Variants in USP39 observed in about 807,000 individuals in gnomAD.
USP39 encodes ubiquitin carboxyl-terminal hydrolase 39.
In USP39, 38 loss-of-function variants were observed where a neutral mutation model predicts 66.4. The ratio of observed to expected loss-of-function variants is 0.57; its 90% confidence interval spans 0.44 to 0.75. The LOEUF is 0.75. Among genes scored for constraint, USP39 ranks in the 30% least tolerant of loss-of-function variants. The pLI, the probability that USP39 is intolerant of heterozygous loss-of-function variation, is 0.00. For missense variants in USP39, 608 were observed against 714.4 expected, an observed-to-expected ratio of 0.85 and a Z score of 1.70; for synonymous variants, 303 against 274.6, an observed-to-expected ratio of 1.10 and a Z score of -1.02.
intron 12 of USP39, among the ~76,000 whole-genome samples, chr2:85,648,284 T>G (rs1047314169): frequency 2.6e-5 from 4 of 152,148 alleles, no homozygotes; most frequent in Non-Finnish European, 4.4e-5. Context: ...TTTGCAGAAG[T>G]GTGCGGTCTG....
At chr2:85,635,819 A>G (rs1031329036) in intron 6 of USP39, among the ~76,000 whole-genome samples, 2 of 152,164 alleles carry the variant, frequency 1.3e-5, no homozygotes, top group African/African-American at 4.8e-5. Context: ...GATGCGATAC[A>G]GTCCTGGTAT....
chr2:85,632,362 A>C (rs112160405), intron 6 of USP39, among the ~76,000 whole-genome samples: 1 of 152,022 alleles, frequency 6.6e-6, no homozygotes, highest in South Asian at 2.1e-4. Flanking sequence ...TCAAGGCTAC[A>C]GTGAGCTATG....
At chr2:85,615,089 C>T (rs1022058119), upstream of USP39, among the ~76,000 whole-genome samples, 9 of 152,022 alleles carry the variant, frequency 5.9e-5, no homozygotes, top group African/African-American at 2.2e-4. Flanking sequence ...GGGGCGATCT[C>T]GGCTCATTGC....
intron 7 of USP39, 73 bp from the exon 8 acceptor site, chr2:85,637,296 T>G: frequency 6.5e-7 from 1 of 1,545,806 alleles, no homozygotes; most frequent in Non-Finnish European, 8.9e-7. Flanking sequence ...TTCAGAAATT[T>G]AGAAGCTGGA....
chr2:85,647,873 T>G, intron 11 of USP39, 57 bp from the exon 12 acceptor site: 1 of 1,547,158 alleles, frequency 6.5e-7, no homozygotes, highest in Non-Finnish European at 8.9e-7. Flanking sequence ...ATCCTTTCCT[T>G]CTACACCCTT....
intron 3 of USP39, 88 bp from the exon 4 acceptor site, chr2:85,623,558 C>A: frequency 6.8e-7 from 1 of 1,464,454 alleles, no homozygotes; most frequent in Non-Finnish European, 9.1e-7. Context: ...TAACATGTTC[C>A]GGTAGAAAAT....
chr2:85,631,146 C>G (rs1011713968), intron 6 of USP39, among the ~76,000 whole-genome samples, 200 bp downstream of exon 6: 2 of 151,970 alleles, frequency 1.3e-5, no homozygotes, highest in African/African-American at 4.8e-5. Context: ...TCCCAAGTAG[C>G]TGGGACTATA....
At chr2:85,618,888 A>T (rs1232634126) in intron 1 of USP39, among the ~76,000 whole-genome samples, 1 of 151,912 alleles carries the variant, frequency 6.6e-6, no homozygotes, top group Non-Finnish European at 1.5e-5. Context: ...TCCTGCCTCA[A>T]CTTCCTGAAT....
At position 85,626,740 on chromosome 2, in the gene USP39, C is replaced by T. The variant is rs11894948; in HGVS notation, c.723+1049C>T. 6.9e-3 allele frequency among the ~76,000 whole-genome samples: 1,005 copies of T among 146,588 alleles called. 11 individuals carry two copies. Among genetic ancestry groups the T allele is most frequent in the African/African-American group, 0.024 (943 of 39,748 alleles). On this transcript the variant is annotated intron_variant, in intron 5 of 12. Coordinates refer to ENST00000323701, the MANE Select transcript of USP39 (RefSeq NM_006590.4). ...ATTTTCTTTTTTTTTTTTTTTGAGA[C>T]GGAGTCTCAGTCTGTTGCCCAGGCT...
chr2:85,613,720 G>T (rs1210894148), upstream of USP39, among the ~76,000 whole-genome samples: 9 of 152,256 alleles, frequency 5.9e-5, no homozygotes, highest in African/African-American at 1.9e-4. Context: ...TGATTTTTGT[G>T]GGGGTTCTCT....
At chr2:85,611,602 T>C (rs1573378155), upstream of USP39, 2 of 1,554,790 alleles carry the variant, frequency 1.3e-6, no homozygotes, top group Non-Finnish European at 1.7e-6. Flanking sequence ...TTTTTCCCTA[T>C]AGAGAAGGGG....
Position 85,648,978 on chromosome 2 carries a change from A to G in USP39, c.*170A>G. The G allele has an allele frequency of 1.4e-6, 1 of 715,324 alleles. No homozygotes were observed. Among genetic ancestry groups the G allele is most frequent in the Non-Finnish European group, 2.5e-6 (1 of 406,116 alleles). The allele number at this position is 715,324 out of a possible 1,614,324, so 44.3% of individuals were successfully genotyped here. A position where few individuals can be genotyped will look rare whatever the true frequency, so the allele number is the denominator to read the frequency against. ...GAGCCCACTTGCCTGGGATGGCCCCACACTGTCACTCAGCTGTTCTTTGAT... is the reference window on the plus strand; with the variant it reads ...GAGCCCACTTGCCTGGGATGGCCCCGCACTGTCACTCAGCTGTTCTTTGAT... On this transcript the variant is annotated 3_prime_UTR_variant, in exon 13 of 13. Coordinates refer to ENST00000323701, the MANE Select transcript of USP39 (RefSeq NM_006590.4).
At chr2:85,645,196 T>C (rs143028887) in intron 11 of USP39, 113 bp downstream of exon 11, 6 of 1,452,192 alleles carry the variant, frequency 4.1e-6, no homozygotes, top group Non-Finnish European at 9.4e-7. Context: ...GCTTTGGGAC[T>C]CTGCAAGTAA....
At chr2:85,611,380 G>A, upstream of USP39, 1 of 1,456,888 alleles carries the variant, frequency 6.9e-7, no homozygotes, top group African/African-American at 1.4e-5. Flanking sequence ...TCTTTGCTAG[G>A]TAGCGGAGCA....
At chr2:85,629,138 G>A (rs1185485354) in intron 5 of USP39, among the ~76,000 whole-genome samples, 3 of 151,278 alleles carry the variant, frequency 2.0e-5, no homozygotes, top group East Asian at 2.0e-4. Flanking sequence ...ATCTTGGCTC[G>A]CTGCAACCTC....
intron 6 of USP39, among the ~76,000 whole-genome samples, chr2:85,633,629 A>G (rs1276798772): frequency 5.9e-5 from 9 of 151,930 alleles, no homozygotes; most frequent in Admixed American, 2.6e-4. Flanking sequence ...TTACCCAGGC[A>G]TGGTGGCATG....
At chr2:85,639,107 G>A in intron 8 of USP39, 96 bp from the exon 9 acceptor site, 2 of 1,267,044 alleles carry the variant, frequency 1.6e-6, no homozygotes, top group African/African-American at 1.5e-5. Flanking sequence ...TGTTCTTTCA[G>A]ATGAAGGAAA....
At chr2:85,638,031 T>A (rs1675921326) in intron 8 of USP39, among the ~76,000 whole-genome samples, 3 of 150,600 alleles carry the variant, frequency 2.0e-5, no homozygotes, top group Admixed American at 2.0e-4. Context: ...TTAGAGCTTT[T>A]CTTTTTTGAG....
At chr2:85,648,057 G>A (rs755209784) in intron 12 of USP39, 41 bp downstream of exon 12, 85 of 1,604,116 alleles carry the variant, frequency 5.3e-5, no homozygotes, top group African/African-American at 2.3e-4. Flanking sequence ...AATAGGTGGC[G>A]TATGGGGCCA....
Sources: allele counts gnomAD v4.1 joint callset (sites outside exome capture counted in the v4.1 genomes callset), GRCh38; gene constraint gnomAD v4.1.1; transcripts MANE v1.5; gene names NCBI Gene and HGNC (gene_info 2026-07-23, HGNC 2026-07-21).